DHX29: variants seen among roughly 807,000 people sequenced by gnomAD.
DHX29 encodes DExH-box helicase 29.
DHX29 carries 79 observed loss-of-function variants against 167.9 expected under a neutral mutation model. The observed-to-expected ratio is 0.47, with a 90% confidence interval of 0.39 to 0.57. The LOEUF (loss-of-function observed/expected upper bound fraction) is 0.57. DHX29 is among the 20% of genes least tolerant of loss of function. DHX29 has a pLI of 0.00. For missense variants in DHX29, 1,347 were observed against 1,593.4 expected, an observed-to-expected ratio of 0.85 and a Z score of 2.63; for synonymous variants, 530 against 546.0, an observed-to-expected ratio of 0.97 and a Z score of 0.41.
chr5:55,281,327 C>A (rs1232376221), intron 12 of DHX29, 45 bp downstream of exon 12: 3 of 1,443,524 alleles, frequency 2.1e-6, no homozygotes, highest in Non-Finnish European at 2.7e-6. Context: ...CTTTTTAATA[C>A]AAAAATATTT....
At chr5:55,281,655 T>A (rs1305666375) in intron 11 of DHX29, 140 bp from the exon 12 acceptor site, 2 of 438,382 alleles carry the variant, frequency 4.6e-6, no homozygotes, top group East Asian at 7.3e-5. Flanking sequence ...ATATTAGTAA[T>A]TATTAGTTTA....
intron 17 of DHX29, 30 bp downstream of exon 17, chr5:55,273,263 C>G: frequency 6.5e-7 from 1 of 1,545,670 alleles, no homozygotes; most frequent in Non-Finnish European, 8.8e-7. Flanking sequence ...TCAGGTGGAT[C>G]ACATATAAAT....
At chr5:55,299,951 CTCA>C (rs1224699872) in intron 1 of DHX29, among the ~76,000 whole-genome samples, 3 of 152,144 alleles carry the variant, frequency 2.0e-5, no homozygotes, top group African/African-American at 7.2e-5. Context: ...AACTTTTGGT[CTCA>C]TGACCCCTTA....
At chr5:55,292,862 A>C (rs1196362419) in intron 6 of DHX29, among the ~76,000 whole-genome samples, 1 of 152,050 alleles carries the variant, frequency 6.6e-6, no homozygotes, top group Non-Finnish European at 1.5e-5. Context: ...TGAAGTCTTG[A>C]CTTAATGCTC....
At chr5:55,267,561 G>T in intron 22 of DHX29, 125 bp downstream of exon 22, 1 of 821,402 alleles carries the variant, frequency 1.2e-6, no homozygotes, top group Non-Finnish European at 1.8e-6. Context: ...TACCTTGACA[G>T]ATGAAATAAC....
chr5:55,260,085 T>A, intron 25 of DHX29, 141 bp from the exon 26 acceptor site: 2 of 497,392 alleles, frequency 4.0e-6, no homozygotes, highest in East Asian at 5.8e-5. Flanking sequence ...AAAATACAAA[T>A]TATTTCTGCT....
chr5:55,281,914 T>C (rs1029740744), intron 11 of DHX29, among the ~76,000 whole-genome samples: 2 of 151,652 alleles, frequency 1.3e-5, no homozygotes, highest in African/African-American at 4.8e-5. Context: ...GCCTCCCACA[T>C]AGCTGGGATT....
intron 12 of DHX29, among the ~76,000 whole-genome samples, chr5:55,280,799 C>T (rs1747360764): frequency 6.6e-6 from 1 of 152,116 alleles, no homozygotes; most frequent in Non-Finnish European, 1.5e-5. Context: ...ATCACACAGA[C>T]CCTAGATTAT....
Position 55,272,207 on chromosome 5 carries a change from G to T in DHX29, c.2776-32C>A, listed in dbSNP as rs1171522541. The T allele has an allele frequency of 1.0e-5, 13 of 1,297,698 alleles. No individual in the cohort carries two copies. In the Admixed American group the frequency reaches 2.0e-4, roughly 20 times the overall value. The allele number at this position is 1,297,698 out of a possible 1,614,324, so 80.4% of individuals were successfully genotyped here. A position where few individuals can be genotyped will look rare whatever the true frequency, so the allele number is the denominator to read the frequency against. ...ATAAACAAAAAGCTTAAAACATTTA[G>T]ACTACTTTCATGAATGTATCATTAT... On this transcript the variant is annotated intron_variant, in intron 17 of 26. Transcript: ENST00000251636.
chr5:55,258,700 G>A (rs142954571), intron 26 of DHX29, among the ~76,000 whole-genome samples: 73 of 152,214 alleles, frequency 4.8e-4, no homozygotes, highest in Non-Finnish European at 8.5e-4. Flanking sequence ...ACAGGTACAA[G>A]CCACCAGGCC....
intron 1 of DHX29, 149 bp from the exon 2 acceptor site, chr5:55,298,813 G>A (rs1248997670): frequency 5.1e-6 from 2 of 390,228 alleles, no homozygotes; most frequent in Admixed American, 3.8e-5. Flanking sequence ...GGTGGATCAT[G>A]AGGTCAGGAG....
intron 1 of DHX29, among the ~76,000 whole-genome samples, chr5:55,298,979 G>T (rs62359221): frequency 4.6e-4 from 67 of 145,690 alleles, no homozygotes; most frequent in African/African-American, 1.6e-3. Flanking sequence ...GCAGTGAGCC[G>T]AGATTGCGCC....
At chr5:55,277,509 T>A (rs1363615149) in intron 12 of DHX29, among the ~76,000 whole-genome samples, 1 of 150,888 alleles carries the variant, frequency 6.6e-6, no homozygotes, top group African/African-American at 2.5e-5. Flanking sequence ...TATAGTGAAC[T>A]AGATTAGCCA....
rs1746377773 is a variant in DHX29, at chr5:55,262,883, G to T, written c.3575C>A (p.Ser1192Tyr). 1 of 1,613,990 alleles carries T rather than the reference G, an allele frequency of 6.2e-7. No homozygotes were observed. The highest frequency in any genetic ancestry group is 8.5e-7 in the Non-Finnish European group (1 of 1,179,926). Reference sequence around the variant, plus strand: ...TTCCCAGCTGGTAGAAGTTGTGGAAGATGAAAATCCTGCTGCCTTAACCAA... The same window carrying T: ...TTCCCAGCTGGTAGAAGTTGTGGAATATGAAAATCCTGCTGCCTTAACCAA... ...IKLVKAAGFSSSTTSTSWEGN... is the reference protein window; with the variant it reads ...IKLVKAAGFSYSTTSTSWEGN... The change falls in exon 24 of 27, where the codon TCT becomes TAT. Residue 1192 changes from serine to tyrosine, a missense_variant. This residue lies in a region of DHX29 where 882 missense variants were observed against 1,082.4 expected (regional missense o/e 0.81). Transcript: ENST00000251636.
Position 55,278,116 on chromosome 5 carries a change from C to T in DHX29, c.2110-834G>A, listed in dbSNP as rs113361395. Among the ~76,000 whole-genome samples the T allele has an allele frequency of 2.4e-3, 364 of 152,146 alleles. 2 individuals are homozygous for T. Among genetic ancestry groups the T allele is most frequent in the Middle Eastern group, 0.024 (7 of 294 alleles). On this transcript the variant is annotated intron_variant, in intron 12 of 26. Transcript: ENST00000251636. ...CAGAAAAAAGGGTTTTATGCTCTTCCAACACATGCATCTTAGGGAAGAGCA... is the reference window on the plus strand; with the variant it reads ...CAGAAAAAAGGGTTTTATGCTCTTCTAACACATGCATCTTAGGGAAGAGCA...
At chr5:55,263,042 G>A (rs1336600842) in intron 23 of DHX29, 110 bp from the exon 24 acceptor site, 5 of 824,528 alleles carry the variant, frequency 6.1e-6, no homozygotes, top group Non-Finnish European at 9.4e-6. Flanking sequence ...GGATGCTAAT[G>A]ATTATTTGGC....
intron 16 of DHX29, among the ~76,000 whole-genome samples, chr5:55,274,086 C>CAA (rs201970753): frequency 1.2e-4 from 9 of 73,766 alleles, no homozygotes; most frequent in East Asian, 3.9e-4. Flanking sequence ...GACTCTGCCT[C>CAA]AAAAAAAAAA....
In DHX29 at chr5:55,295,401, T is replaced by C. The variant is rs149543515; in HGVS notation, c.629A>G (p.Tyr210Cys). 8.3e-4 allele frequency: 1,331 copies of C among 1,612,532 alleles called. 1 individual carries two copies. The highest frequency in any genetic ancestry group is 1.1e-3 in the Admixed American group (66 of 60,008). Reference protein sequence around the residue: ...SPPLQPKTKTYEEDPKSKPKK... With the variant: ...SPPLQPKTKTCEEDPKSKPKK... ...TACCTTACTCTTAGGGTCCTCTTCA[T>C]ATGTTTTTGTTTTAGGTTGCAATGG... The change falls in exon 5 of 27, where the codon TAT (tyrosine) becomes TGT (cysteine). Residue 210 changes from tyrosine to cysteine, a missense_variant. Tyr to Cys is a radical substitution (Grantham distance 194). Coordinates refer to ENST00000251636, the MANE Select transcript of DHX29 (RefSeq NM_019030.4).
chr5:55,264,375 C>T (rs1044214188), intron 23 of DHX29, among the ~76,000 whole-genome samples: 1 of 152,116 alleles, frequency 6.6e-6, no homozygotes, highest in Non-Finnish European at 1.5e-5. Flanking sequence ...AAGTTGATCA[C>T]AACCAGCCAC....
Sources: allele counts gnomAD v4.1 joint callset (sites outside exome capture counted in the v4.1 genomes callset), GRCh38; gene constraint gnomAD v4.1.1; regional missense constraint gnomAD v4.1.1; transcripts MANE v1.5; gene names NCBI Gene and HGNC (gene_info 2026-07-23, HGNC 2026-07-21).